The following ASIP variants were observed in gnomAD, a reference collection of about 807,000 sequenced individuals.
ASIP encodes the protein agouti signaling protein.
In ASIP, 11 loss-of-function variants were observed where a neutral mutation model predicts 10.3. That is an observed-to-expected ratio of 1.07 (90% CI 0.68 to 1.78). The LOEUF (loss-of-function observed/expected upper bound fraction) is 1.78, where lower values mean the gene tolerates loss of function less well. Among genes scored for constraint, ASIP ranks in the 40% most tolerant of loss-of-function variants. ASIP has a pLI of 0.00. For synonymous variants in ASIP, 70 were observed against 70.8 expected, an observed-to-expected ratio of 0.99 and a Z score of 0.06; for missense variants, 180 against 169.2, an observed-to-expected ratio of 1.06 and a Z score of -0.35.
intron 1 of ASIP, among the ~76,000 whole-genome samples, chr20:34,208,671 G>C (rs1255627182): frequency 6.6e-6 from 1 of 152,162 alleles, no homozygotes; most frequent in East Asian, 1.9e-4. Flanking sequence ...CTGGTGTGTA[G>C]ATAAGGACTG....
chr20:34,235,870 G>A (rs71337946), intron 1 of ASIP, among the ~76,000 whole-genome samples: 4,737 of 26,750 alleles, frequency 0.18, 308 homozygotes, highest in East Asian at 0.25. Flanking sequence ...GGAAGGAAAG[G>A]AAGGAAGGAA....
intron 1 of ASIP, among the ~76,000 whole-genome samples, chr20:34,258,255 A>G (rs1365746472): frequency 1.3e-5 from 2 of 151,998 alleles, no homozygotes; most frequent in African/African-American, 2.4e-5. Context: ...GATTCTTACA[A>G]TCTAGACGGA....
upstream of ASIP, among the ~76,000 whole-genome samples, chr20:34,238,720 T>C (rs1219378748): frequency 2.0e-5 from 3 of 152,218 alleles, no homozygotes; most frequent in Admixed American, 2.0e-4. Context: ...TTGTATGCCT[T>C]GTGATTTTTT....
chr20:34,209,558 C>T (rs2034959532), intron 1 of ASIP, among the ~76,000 whole-genome samples: 1 of 152,266 alleles, frequency 6.6e-6, no homozygotes, highest in Admixed American at 6.5e-5. Context: ...TCTGCTCCCA[C>T]TGCCTGGCCT....
chr20:34,213,732 C>T, intron 1 of ASIP: 1 of 1,509,298 alleles, frequency 6.6e-7, no homozygotes, highest in South Asian at 1.1e-5. Context: ...GGCAAATAAT[C>T]ATTCGATGAA....
chr20:34,193,206 C>T (rs1019652803), upstream of ASIP, among the ~76,000 whole-genome samples: 2 of 152,224 alleles, frequency 1.3e-5, no homozygotes, highest in Admixed American at 1.3e-4. Flanking sequence ...TGCTGCCCCA[C>T]CTCCCCCTGT....
intron 1 of ASIP, among the ~76,000 whole-genome samples, chr20:34,256,933 G>A (rs953793636): frequency 1.3e-5 from 2 of 151,874 alleles, no homozygotes; most frequent in Non-Finnish European, 2.9e-5. Flanking sequence ...GTCTTGTGCC[G>A]CCACTCCCTG....
chr20:34,235,786 G>GAAGAAAGAAAGAAAGAAAGAAAGA (rs572242709), intron 1 of ASIP, among the ~76,000 whole-genome samples: 1 of 61,392 alleles, frequency 1.6e-5, no homozygotes, highest in Non-Finnish European at 3.4e-5. Context: ...CTCTGAGAAA[G>GAAGAAAGAAAGAAAGAAAGAAAGA]AAGAAAGAAA....
intron 3 of ASIP, among the ~76,000 whole-genome samples, chr20:34,268,596 C>G (rs1277322779): frequency 6.6e-6 from 1 of 151,840 alleles, no homozygotes; most frequent in African/African-American, 2.4e-5. Context: ...TTTAGCCAAG[C>G]GTGGTGGTGC....
chr20:34,200,884 T>G (rs1162364662), intron 1 of ASIP, among the ~76,000 whole-genome samples: 1 of 152,172 alleles, frequency 6.6e-6, no homozygotes. Context: ...GACACATAGT[T>G]TATGCTTTTT....
intron 1 of ASIP, among the ~76,000 whole-genome samples, chr20:34,247,928 G>A (rs547818699): frequency 5.5e-4 from 84 of 152,268 alleles, no homozygotes; most frequent in Non-Finnish European, 9.3e-4. Flanking sequence ...CCTGAAGGCC[G>A]GGCGCAGTGG....
intron 1 of ASIP, among the ~76,000 whole-genome samples, chr20:34,243,695 T>C (rs2035319128): frequency 1.3e-5 from 2 of 151,192 alleles, no homozygotes; most frequent in African/African-American, 4.9e-5. Context: ...TCACAGTTAA[T>C]GCAGAATTTC....
chr20:34,206,655 T>G (rs2034938931), intron 1 of ASIP, among the ~76,000 whole-genome samples: 1 of 152,234 alleles, frequency 6.6e-6, no homozygotes, highest in Non-Finnish European at 1.5e-5. Context: ...CTTGGCTCAC[T>G]GCAATCTCCG....
chr20:34,215,690 T>C, intron 1 of ASIP: 7 of 1,442,686 alleles, frequency 4.9e-6, no homozygotes, highest in Non-Finnish European at 5.9e-6. Flanking sequence ...TAGTTCTGAA[T>C]ATTTGTATTT....
chr20:34,269,200 C>A lies in ASIP; in HGVS notation c.*33C>A, dbSNP rs1307625085. The A allele has an allele frequency of 6.9e-7, 1 of 1,455,814 alleles. No individual in the cohort carries two copies. Among genetic ancestry groups the A allele is most frequent in the Admixed American group, 2.5e-5 (1 of 39,566 alleles). 90.2% of individuals were successfully genotyped at this position (1,455,814 alleles called of 1,614,324 possible). A position where few individuals can be genotyped will look rare whatever the true frequency, so the allele number is the denominator to read the frequency against. Reference sequence around the variant, plus strand: ...CACTCCCGGCCGCGAGCAGGCAGGGCTTCGGGGACGCGGGGCGCTTCTCGG... The same window carrying A: ...CACTCCCGGCCGCGAGCAGGCAGGGATTCGGGGACGCGGGGCGCTTCTCGG... On this transcript the variant is annotated 3_prime_UTR_variant, in exon 4 of 4. Coordinates refer to ENST00000374954, the MANE Select transcript of ASIP (RefSeq NM_001672.3).
chr20:34,249,939 A>C (rs573324083), intron 1 of ASIP: 1 of 152,318 alleles, frequency 6.6e-6, no homozygotes, highest in East Asian at 1.9e-4. Context: ...CTTTCTTCCC[A>C]AGTATATGCT....
chr20:34,242,510 G>C (rs1430919806), intron 1 of ASIP, among the ~76,000 whole-genome samples: 1 of 152,206 alleles, frequency 6.6e-6, no homozygotes, highest in Non-Finnish European at 1.5e-5. Flanking sequence ...TGGGATTACA[G>C]GCGTGAGCCA....
At chr20:34,235,962 A>AAGGAAGGAGGGAGGGAAGAAGGAAGG (rs1568756760) in intron 1 of ASIP, among the ~76,000 whole-genome samples, 1 of 83,802 alleles carries the variant, frequency 1.2e-5, no homozygotes, top group Admixed American at 9.7e-5. Context: ...GGAAGGAAGG[A>AAGGAAGGAGGGAGGGAAGAAGGAAGG]AGGAGGGAGG....
At chr20:34,234,206 C>T (rs1406380610) in intron 1 of ASIP, among the ~76,000 whole-genome samples, 1 of 152,168 alleles carries the variant, frequency 6.6e-6, no homozygotes, top group Non-Finnish European at 1.5e-5. Flanking sequence ...AACAGTGATC[C>T]AGACTGTTTG....
Sources: allele counts gnomAD v4.1 joint callset (sites outside exome capture counted in the v4.1 genomes callset), GRCh38; gene constraint gnomAD v4.1.1; transcripts MANE v1.5; gene names NCBI Gene and HGNC (gene_info 2026-07-23, HGNC 2026-07-21).